A2ML1: variants seen among roughly 807,000 people sequenced by gnomAD.
A2ML1 encodes the protein alpha-2-macroglobulin-like protein 1.
A neutral mutation model predicts 181.9 loss-of-function variants in A2ML1; 161 were observed. That is an observed-to-expected ratio of 0.89 (90% CI 0.78 to 1.01). The LOEUF is 1.01. A2ML1 is among the 50% of genes least tolerant of loss of function. The probability of loss-of-function intolerance (pLI) is 0.00; values close to 1 mark genes in which losing one functional copy is unlikely to be tolerated. For synonymous variants in A2ML1, 663 were observed against 666.8 expected (o/e 0.99, Z 0.09); for missense variants, 1,670 against 1,768.1 (o/e 0.94, Z 1.00).
At chr12:8,853,765 C>T (rs990278633) in intron 20 of A2ML1, among the ~76,000 whole-genome samples, 9 of 152,164 alleles carry the variant, frequency 5.9e-5, no homozygotes, top group African/African-American at 2.2e-4. Context: ...AAGGGGTGCA[C>T]CCAAGATGGA....
chr12:8,854,368 T>A, intron 21 of A2ML1, 119 bp downstream of exon 21: 1 of 1,423,580 alleles, frequency 7.0e-7, no homozygotes, highest in South Asian at 1.6e-5. Context: ...GCTTCAACTT[T>A]CTCCTTCCCT....
Position 8,882,706 on chromosome 12 carries a change from A to T in A2ML1, c.*94+2090A>T, listed in dbSNP as rs778885034. Reference sequence around the variant, plus strand: ...GCCAGGTGCAGTGGCTCCCACCTGTAGTCCCAGCACTTTGGGAAGTTGAGG... The same window carrying T: ...GCCAGGTGCAGTGGCTCCCACCTGTTGTCCCAGCACTTTGGGAAGTTGAGG... On this transcript the variant is annotated intron_variant and NMD_transcript_variant, in intron 7 of 7. Coordinates refer to the A2ML1 transcript ENST00000537475. 2.6e-5 allele frequency among the ~76,000 whole-genome samples: 4 copies of T among 152,306 alleles called. No homozygotes were observed. In the South Asian group the frequency reaches 8.3e-4, roughly 32 times the overall value.
chr12:8,846,013 T>TAACC, intron 13 of A2ML1, 64 bp from the exon 14 acceptor site: 1 of 1,591,616 alleles, frequency 6.3e-7, no homozygotes, highest in African/African-American at 1.3e-5. Flanking sequence ...GTACATATGG[T>TAACC]TAGATGCCGT....
At chr12:8,831,400 C>T (rs751155690) in intron 4 of A2ML1, among the ~76,000 whole-genome samples, 1 of 152,146 alleles carries the variant, frequency 6.6e-6, no homozygotes, top group Middle Eastern at 3.2e-3. Flanking sequence ...TCAAATGAAG[C>T]GGGATTACTT....
rs747556530 is a variant in A2ML1 at position 8,854,229 on chromosome 12, A to G, written c.2692A>G (p.Ile898Val). 6.8e-6 allele frequency: 11 copies of G among 1,607,268 alleles called. No individual in the cohort carries two copies. In the South Asian group the frequency reaches 1.2e-4, roughly 18 times the overall value. The change falls in exon 21 of 36, where the codon ATC becomes GTC. Residue 898 changes from isoleucine to valine, a missense_variant. Coordinates refer to ENST00000299698, the MANE Select transcript of A2ML1 (RefSeq NM_144670.6). ...CCAAAAGGGCCGAAGTGACACGCTC[A>G]TCAAGCCAGTTCTCGTCAAAGTGAG... ...VPQKGRSDTL[I>V]KPVLVKPEGV...
At position 8,858,066 on chromosome 12, in the gene A2ML1, T is replaced by C. The variant is rs1361524724; in HGVS notation, c.3228T>C (p.Tyr1076=). ...MAGNQLPSGC[Y]ANVGNLLHTA... ...GAAACCAGCTCCCCAGTGGCTGCTA[T>C]GCCAACGTGGGAAATCTCCTTCACA... Residue 1076 remains tyrosine, a synonymous_variant, in exon 26 of 36, where the codon TAT becomes TAC. Transcript: ENST00000299698. The C allele has an allele frequency of 3.1e-6, 5 of 1,614,040 alleles. No individual in the cohort carries two copies. The highest frequency in any genetic ancestry group is 1.6e-4 in the Middle Eastern group (1 of 6,082).
chr12:8,871,994 A>G (rs1033785450), intron 33 of A2ML1, among the ~76,000 whole-genome samples: 4 of 152,040 alleles, frequency 2.6e-5, no homozygotes, highest in Non-Finnish European at 4.4e-5. Context: ...CCTGGCTAAC[A>G]CAGTGAAACC....
chr12:8,852,362 C>A lies in A2ML1; in HGVS notation c.2590+26C>A. On this transcript the variant is annotated intron_variant, in intron 20 of 35. Transcript: ENST00000299698. This position sits in a 1 kb window ranked among gnomAD's most constrained non-coding sequence, Gnocchi z 4.2. The stretch of plus-strand genomic sequence containing the variant: ...GTAAGAGAGGGAAGTGGTAGACGGG[C>A]GAGGAAAGCCAGCAGCAGAAGACCA... The A allele has an allele frequency of 1.2e-6, 2 of 1,612,996 alleles. No individual in the cohort carries two copies. Among genetic ancestry groups the A allele is most frequent in the Non-Finnish European group, 1.7e-6 (2 of 1,179,310 alleles).
intron 3 of A2ML1, among the ~76,000 whole-genome samples, chr12:8,826,598 C>T (rs985191542): frequency 2.0e-5 from 3 of 152,078 alleles, no homozygotes; most frequent in African/African-American, 7.2e-5. Context: ...CAGGCATGCG[C>T]CACCATGCCC....
chr12:8,848,660 A>G (rs1299297605), intron 15 of A2ML1, 60 bp from the exon 16 acceptor site: 1 of 1,384,426 alleles, frequency 7.2e-7, no homozygotes, highest in Non-Finnish European at 9.7e-7. Flanking sequence ...AATCTGAGAG[A>G]AGTTTCTCAA....
intron 34 of A2ML1, 68 bp downstream of exon 34, chr12:8,874,595 T>G: frequency 8.3e-7 from 1 of 1,209,708 alleles, no homozygotes; most frequent in Non-Finnish European, 1.2e-6. Context: ...TCTGCCTCAT[T>G]CTTCATGGCT....
rs762780027 is a variant in A2ML1 at position 8,874,921 on chromosome 12, T to C, written c.4325-50T>C. ...TAGCTTTTCTGAAGCATTTTCCCTCTGAATATAGGAGGCCCTCAAAGTAAT... is the reference window on the plus strand; with the variant it reads ...TAGCTTTTCTGAAGCATTTTCCCTCCGAATATAGGAGGCCCTCAAAGTAAT... On this transcript the variant is annotated intron_variant, in intron 34 of 35. Coordinates refer to ENST00000299698, the MANE Select transcript of A2ML1 (RefSeq NM_144670.6). 9 of 1,593,772 alleles carry C rather than the reference T, an allele frequency of 5.6e-6. No individual in the cohort carries two copies. The South Asian group carries it at 8.9e-5, about 16-fold the overall frequency.
chr12:8,836,341 T>G lies in A2ML1; in HGVS notation c.728+2T>G, dbSNP rs1444367900. On this transcript the variant is annotated splice_donor_variant, in intron 7 of 35. Coordinates refer to ENST00000299698, the MANE Select transcript of A2ML1 (RefSeq NM_144670.6). LOFTEE classifies it high-confidence loss of function. The stretch of plus-strand genomic sequence containing the variant: ...TTTCTTAGTAAAAATTTGTTGTAGG[T>G]AAGAGCAGAAGCTTGGGATCTGGTG... 1 of 1,612,326 alleles carries G rather than the reference T, an allele frequency of 6.2e-7. No individual in the cohort carries two copies. Among genetic ancestry groups the G allele is most frequent in the African/African-American group, 1.3e-5 (1 of 74,808 alleles).
intron 4 of A2ML1, among the ~76,000 whole-genome samples, chr12:8,830,048 A>AT (rs756436180): frequency 3.3e-5 from 5 of 152,032 alleles, no homozygotes; most frequent in African/African-American, 7.2e-5. Flanking sequence ...TTGTCATTTT[A>AT]TTTTATTTAT....
chr12:8,853,526 A>G (rs1288372935), intron 20 of A2ML1, among the ~76,000 whole-genome samples: 1 of 152,128 alleles, frequency 6.6e-6, no homozygotes, highest in Admixed American at 6.5e-5. Flanking sequence ...GGTTGCAATC[A>G]AGCTGTCAGT....
chr12:8,863,342 G>A (rs964213676), intron 28 of A2ML1, among the ~76,000 whole-genome samples: 7 of 152,050 alleles, frequency 4.6e-5, no homozygotes, highest in African/African-American at 1.7e-4. Flanking sequence ...CCGACCTCAG[G>A]TGATCCACCC....
chr12:8,842,945 T>C (rs772231934), intron 11 of A2ML1, among the ~76,000 whole-genome samples, 189 bp from the exon 12 acceptor site: 8 of 152,340 alleles, frequency 5.3e-5, no homozygotes, highest in African/African-American at 1.9e-4. Context: ...TACCAAAATA[T>C]TGCTGTACAC....
intron 23 of A2ML1, 115 bp from the exon 24 acceptor site, chr12:8,857,049 A>G (rs190836514): frequency 1.9e-6 from 2 of 1,067,464 alleles, no homozygotes; most frequent in East Asian, 4.9e-5. Flanking sequence ...CCCGGCCCAT[A>G]GTAGGTACTT....
intron 28 of A2ML1, among the ~76,000 whole-genome samples, 162 bp downstream of exon 28, chr12:8,861,459 C>G (rs1007566211): frequency 1.3e-5 from 2 of 152,106 alleles, no homozygotes; most frequent in Admixed American, 1.3e-4. Flanking sequence ...GAGAAACACA[C>G]GCAAGTGCTC....
Sources: allele counts gnomAD v4.1 joint callset (sites outside exome capture counted in the v4.1 genomes callset), GRCh38; gene constraint gnomAD v4.1.1; non-coding constraint Gnocchi (gnomAD v3.1); transcripts MANE v1.5; gene names NCBI Gene and HGNC (gene_info 2026-07-23, HGNC 2026-07-21).